CEP112: variants seen among roughly 807,000 people sequenced by gnomAD.
CEP112 encodes the protein centrosomal protein 112.
Under a neutral mutation model 153.0 loss-of-function variants are expected in CEP112, and 127 were observed. That is an observed-to-expected ratio of 0.83 (90% CI 0.72 to 0.96). CEP112 has a LOEUF of 0.96. Ranked by LOEUF, CEP112 falls within the 40% of genes least tolerant of loss-of-function variation. The probability of loss-of-function intolerance (pLI) is 0.00; values close to 1 mark genes in which losing one functional copy is unlikely to be tolerated. For synonymous variants in CEP112, 358 were observed against 374.4 expected, an observed-to-expected ratio of 0.96 and a Z score of 0.51; for missense variants, 1,089 against 1,101.2, an observed-to-expected ratio of 0.99 and a Z score of 0.16.
chr17:65,725,036 G>C (rs1051601118), intron 23 of CEP112, among the ~76,000 whole-genome samples: 2 of 152,052 alleles, frequency 1.3e-5, no homozygotes, highest in African/African-American at 4.8e-5. Context: ...TAATTGTTAG[G>C]AACAAAGTCT....
chr17:65,986,585 G>C (rs2063415677), intron 17 of CEP112, among the ~76,000 whole-genome samples: 2 of 152,124 alleles, frequency 1.3e-5, no homozygotes, highest in Admixed American at 1.3e-4. Flanking sequence ...TATATGTAGG[G>C]AGCCATCATC....
At chr17:66,033,930 T>C (rs2065599933) in intron 12 of CEP112, among the ~76,000 whole-genome samples, 1 of 152,216 alleles carries the variant, frequency 6.6e-6, no homozygotes. Context: ...TATGGGTCCA[T>C]TTATATGCAG....
Position 66,175,095 on chromosome 17 carries a change from A to G in CEP112, c.419T>C (p.Leu140Pro). The G allele has an allele frequency of 6.2e-7, 1 of 1,613,034 alleles. No homozygotes were observed. Among genetic ancestry groups the G allele is most frequent in the Non-Finnish European group, 8.5e-7 (1 of 1,179,538 alleles). ...SEHKLNESWK[L>P]SSGEDNTLVQ... is the part of the protein sequence containing the mutation. ...TAAAGTGTTATCTTCTCCAGAAGAG[A>G]GTTTCCATGATTCATTTAATTTGTG... The change falls in exon 4 of 27, where the codon CTC becomes CCC. Residue 140 changes from leucine (L) to proline (P), a missense_variant. Coordinates refer to ENST00000535342, the MANE Select transcript of CEP112 (RefSeq NM_001199165.4).
chr17:65,945,309 GT>G (rs1395045926), intron 18 of CEP112, among the ~76,000 whole-genome samples: 3 of 152,080 alleles, frequency 2.0e-5, no homozygotes, highest in Non-Finnish European at 4.4e-5. Context: ...GCATTTTCCA[GT>G]TTTTTTACTA....
intron 21 of CEP112, among the ~76,000 whole-genome samples, chr17:65,799,148 G>A (rs911068599): frequency 1.6e-4 from 25 of 152,054 alleles, no homozygotes; most frequent in African/African-American, 5.3e-4. Flanking sequence ...TTATTTTGAG[G>A]TGAAATTAAG....
At chr17:65,929,748 A>G (rs1275579321) in intron 18 of CEP112, among the ~76,000 whole-genome samples, 1 of 152,248 alleles carries the variant, frequency 6.6e-6, no homozygotes, top group Non-Finnish European at 1.5e-5. Context: ...AATAAATACT[A>G]ATCAAATGAA....
At chr17:65,952,063 T>C (rs1261092047) in intron 18 of CEP112, among the ~76,000 whole-genome samples, 1 of 152,196 alleles carries the variant, frequency 6.6e-6, no homozygotes, top group Non-Finnish European at 1.5e-5. Flanking sequence ...ACTTCTAATT[T>C]ATTATTGTTG....
At chr17:65,994,135 T>C (rs530449592) in intron 17 of CEP112, among the ~76,000 whole-genome samples, 18 of 152,266 alleles carry the variant, frequency 1.2e-4, no homozygotes, top group Non-Finnish European at 2.4e-4. Context: ...TAGGGTGTTT[T>C]CTAAAACCCA....
chr17:66,087,819 C>T (rs560620054), intron 8 of CEP112, among the ~76,000 whole-genome samples: 16 of 152,208 alleles, frequency 1.1e-4, no homozygotes, highest in Admixed American at 5.9e-4. Context: ...CGTGGAGAGA[C>T]CCTCCACTTG....
chr17:65,937,637 C>T (rs1336710087), intron 18 of CEP112, among the ~76,000 whole-genome samples: 5 of 97,776 alleles, frequency 5.1e-5, no homozygotes, highest in African/African-American at 1.4e-4. Context: ...GCCCCCCGCC[C>T]GGCCAGCCGC....
chr17:65,719,500 T>C (rs2049745928), intron 23 of CEP112, among the ~76,000 whole-genome samples: 1 of 152,138 alleles, frequency 6.6e-6, no homozygotes, highest in Admixed American at 6.5e-5. Flanking sequence ...GAGAATCACT[T>C]GAACCCTGGA....
chr17:65,810,719 T>A (rs944648967), intron 21 of CEP112, among the ~76,000 whole-genome samples: 6 of 151,994 alleles, frequency 3.9e-5, no homozygotes, highest in Non-Finnish European at 5.9e-5. Context: ...TTTATATTTT[T>A]GAAATAATGT....
intron 19 of CEP112, among the ~76,000 whole-genome samples, chr17:65,917,365 A>C (rs2060531034): frequency 6.6e-6 from 1 of 152,182 alleles, no homozygotes; most frequent in Admixed American, 6.5e-5. Context: ...AGCATACTGG[A>C]TGTACCATAA....
At chr17:65,892,103 C>A (rs756474832) in intron 20 of CEP112, among the ~76,000 whole-genome samples, 48 of 152,294 alleles carry the variant, frequency 3.2e-4, no homozygotes, top group South Asian at 1.0e-3. Context: ...TACAGGAATA[C>A]CCTTACGGCC....
At chr17:65,799,165 T>C (rs546882382) in intron 21 of CEP112, among the ~76,000 whole-genome samples, 1 of 152,300 alleles carries the variant, frequency 6.6e-6, no homozygotes, top group Admixed American at 6.5e-5. Context: ...TAAGAGAAAA[T>C]ATTTTCTAGG....
At chr17:65,924,229 G>C (rs2144121738) in intron 19 of CEP112, among the ~76,000 whole-genome samples, 1 of 152,216 alleles carries the variant, frequency 6.6e-6, no homozygotes, top group Non-Finnish European at 1.5e-5. Flanking sequence ...GCCTGCCTCG[G>C]CCTCCCAAAG....
chr17:65,668,925 C>T lies in CEP112; in HGVS notation c.2697+20204G>A, dbSNP rs551756982. Among the ~76,000 whole-genome samples, 4 of 152,304 alleles carry T rather than the reference C, an allele frequency of 2.6e-5. No homozygotes were observed. The East Asian group carries it at 7.7e-4, about 29-fold the overall frequency. ...ACTCCACTTACAGAATCTTGCCCTC[C>T]CCATCTAATGCCCCATATTGTCACA... On this transcript the variant is annotated intron_variant, in intron 24 of 26. Coordinates refer to ENST00000535342, the MANE Select transcript of CEP112 (RefSeq NM_001199165.4).
chr17:65,659,397 A>C (rs978873155), intron 24 of CEP112, among the ~76,000 whole-genome samples: 4 of 152,198 alleles, frequency 2.6e-5, no homozygotes, highest in Admixed American at 6.5e-5. Context: ...CAAAGTACCA[A>C]TTATCTCCTT....
intron 10 of CEP112, among the ~76,000 whole-genome samples, chr17:66,065,920 C>T (rs911178399): frequency 3.3e-5 from 5 of 152,130 alleles, no homozygotes; most frequent in African/African-American, 4.8e-5. Context: ...TAAGCCACCG[C>T]GCCCGGCCTA....
Sources: gnomAD v4.1 joint callset for allele counts (sites outside exome capture counted in the v4.1 genomes callset) on GRCh38, gnomAD v4.1.1 for gene constraint, MANE v1.5 for transcripts, NCBI Gene and HGNC (gene_info 2026-07-23, HGNC 2026-07-21) for gene names.